The following IQGAP3 variants were observed in gnomAD, a reference collection of about 807,000 sequenced individuals.
IQGAP3 encodes IQ motif containing GTPase activating protein 3.
In IQGAP3, 165 loss-of-function variants were observed where a neutral mutation model predicts 208.2. The ratio of observed to expected loss-of-function variants is 0.79; its 90% CI spans 0.70 to 0.90. The LOEUF is 0.90. Among genes scored for constraint, IQGAP3 ranks in the 40% least tolerant of loss-of-function variants. The pLI is 0.00. For synonymous variants in IQGAP3, 703 were observed against 803.6 expected (o/e 0.87, Z 2.12); for missense variants, 1,811 against 2,043.1 (o/e 0.89, Z 2.19).
rs934580097 is a variant in IQGAP3 at position 156,572,545 on chromosome 1, A to G, written c.-16T>C. 6.2e-6 allele frequency: 10 copies of G among 1,612,706 alleles called. No homozygotes were observed. In the South Asian group the frequency reaches 1.1e-4, roughly 18 times the overall value. Reference sequence around the variant, plus strand: ...TCCTCTCCATGTTCCTCCTTCTTCCAGGTTTGAATCTCCCGCCGTTGGGCC... The same window carrying G: ...TCCTCTCCATGTTCCTCCTTCTTCCGGGTTTGAATCTCCCGCCGTTGGGCC... On this transcript the variant is annotated 5_prime_UTR_variant, in exon 1 of 38. Transcript: ENST00000361170.
intron 27 of IQGAP3, 58 bp from the exon 28 acceptor site, chr1:156,535,305 A>G: frequency 8.0e-7 from 1 of 1,244,820 alleles, no homozygotes; most frequent in Non-Finnish European, 1.2e-6. Flanking sequence ...TCTCTGCCAG[A>G]GATAAGAGCT....
chr1:156,534,651 G>A lies in IQGAP3; in HGVS notation c.3590C>T (p.Ala1197Val). 1 of 1,611,944 alleles carries A rather than the reference G, an allele frequency of 6.2e-7. No individual in the cohort carries two copies. Among genetic ancestry groups the A allele is most frequent in the Non-Finnish European group, 8.5e-7 (1 of 1,179,620 alleles). ...CTGGGGGGCAGCCAGGGCTCCACCA[G>A]CTGCCATGGCCACAATGTCGAAGGC... The part of the protein sequence containing the change: ...PDAFDIVAMA[A>V]GGALAAPQRH... The change falls in exon 29 of 38, where the codon GCT becomes GTT. Residue 1197 changes from alanine to valine, a missense_variant. Transcript: ENST00000361170.
At chr1:156,536,926 T>G in intron 27 of IQGAP3, 1 of 342,108 alleles carries the variant, frequency 2.9e-6, no homozygotes, top group East Asian at 4.8e-5. Context: ...CCTGAGATCA[T>G]TTTAGGGTCC....
At chr1:156,559,430 C>T (rs550050482) in intron 11 of IQGAP3, among the ~76,000 whole-genome samples, 16 of 152,186 alleles carry the variant, frequency 1.1e-4, no homozygotes, top group African/African-American at 2.2e-4. Flanking sequence ...TTAGCAGATA[C>T]GGGCACTGAC....
chr1:156,530,100 G>A lies in IQGAP3; in HGVS notation c.4404+5C>T, dbSNP rs370750568. On this transcript the variant is annotated splice_donor_5th_base_variant and intron_variant, in intron 34 of 37. Transcript: ENST00000361170. The stretch of plus-strand genomic sequence containing the variant: ...GGCACACGGAGCCCAGGCCCAGGTT[G>A]TTACCTTGGCCAGCTCGTCCACTAG... 6 of 1,589,090 alleles carry A rather than the reference G, an allele frequency of 3.8e-6. No individual in the cohort carries two copies. Among genetic ancestry groups the A allele is most frequent in the Non-Finnish European group, 5.1e-6 (6 of 1,166,354 alleles).
chr1:156,563,636 A>G lies in IQGAP3; in HGVS notation c.536T>C (p.Leu179Pro). 6.2e-7 allele frequency: 1 copy of G among 1,613,162 alleles called. No individual in the cohort carries two copies. The highest frequency in any genetic ancestry group is 8.5e-7 in the Non-Finnish European group (1 of 1,179,726). The change falls in exon 7 of 38, where the codon CTG becomes CCG. Residue 179 changes from leucine to proline, a missense_variant. Leu to Pro is a moderately conservative substitution (Grantham distance 98). Coordinates refer to ENST00000361170, the MANE Select transcript of IQGAP3 (RefSeq NM_178229.5). ...AEELSNMASELAKYGLQLPAF... is the reference protein window; with the variant it reads ...AEELSNMASEPAKYGLQLPAF... The stretch of plus-strand genomic sequence containing the variant: ...AGGCAGCTGGAGGCCATATTTGGCC[A>G]GTTCGGACGCCATGTTGCTGAGTTC...
chr1:156,561,097 G>A, intron 10 of IQGAP3, 76 bp from the exon 11 acceptor site: 1 of 1,035,258 alleles, frequency 9.7e-7, no homozygotes, highest in South Asian at 1.3e-5. Context: ...GCCAGCATGA[G>A]CTCCCAGGTC....
chr1:156,540,836 C>G lies in IQGAP3; in HGVS notation c.2611G>C (p.Glu871Gln). The change falls in exon 23 of 38, where the codon GAG (glutamate) becomes CAG (glutamine). Residue 871 changes from glutamate (E) to glutamine (Q), a missense_variant. Glu to Gln is a conservative substitution (Grantham distance 29). Coordinates refer to ENST00000361170, the MANE Select transcript of IQGAP3 (RefSeq NM_178229.5). ...LNQSQQDFLA[E>Q]AELLKLQEEV... ...TCCTGGAGCTTCAGCAGCTCTGCCT[C>G]AGCCAAGAAGTCTTGCTGGCTTTGA... The G allele has an allele frequency of 1.2e-6, 2 of 1,614,120 alleles. No homozygotes were observed. The highest frequency in any genetic ancestry group is 1.7e-6 in the Non-Finnish European group (2 of 1,180,008).
intron 15 of IQGAP3, 138 bp from the exon 16 acceptor site, chr1:156,550,489 C>T: frequency 1.5e-6 from 1 of 662,464 alleles, no homozygotes; most frequent in Non-Finnish European, 2.7e-6. Flanking sequence ...CAGCTCTCTG[C>T]CCTGTGTGTG....
intron 5 of IQGAP3, 76 bp from the exon 6 acceptor site, chr1:156,563,900 G>C: frequency 4.2e-6 from 5 of 1,178,814 alleles, no homozygotes; most frequent in Non-Finnish European, 6.2e-6. Context: ...GGGTTTGAAG[G>C]GGATACTATG....
intron 11 of IQGAP3, among the ~76,000 whole-genome samples, chr1:156,557,592 G>T (rs1571352032): frequency 1.3e-5 from 1 of 78,182 alleles, no homozygotes; most frequent in African/African-American, 4.0e-5. Flanking sequence ...CCGGCCAGCC[G>T]CCCCATCCGG....
At chr1:156,532,425 G>A (rs1674455511) in intron 32 of IQGAP3, among the ~76,000 whole-genome samples, 1 of 149,744 alleles carries the variant, frequency 6.7e-6, no homozygotes, top group African/African-American at 2.5e-5. Context: ...TAGAACATGA[G>A]CTCTACAACC....
rs374153720 is a variant in IQGAP3, at chr1:156,556,514, C to T, written c.1290+19G>A. On this transcript the variant is annotated intron_variant, in intron 12 of 37. Transcript: ENST00000361170. Reference sequence around the variant, plus strand: ...CTGCATGGAGACTGCAGAGCTAGACCCACATTTCTGGGGCTTACCCCCTGC... The same window carrying T: ...CTGCATGGAGACTGCAGAGCTAGACTCACATTTCTGGGGCTTACCCCCTGC... The T allele has an allele frequency of 6.2e-7, 1 of 1,613,598 alleles. No homozygotes were observed. Among genetic ancestry groups the T allele is most frequent in the African/African-American group, 1.3e-5 (1 of 74,928 alleles).
rs753851719 is a variant in IQGAP3 at position 156,550,356 on chromosome 1, C to A, written c.1735-5G>T. ...AGCTCCAGGATCCCCTGTCACCTGG[C>A]AGATTGAGGGAGAAAAAAAAGATGT... On this transcript the variant is annotated splice_region_variant and splice_polypyrimidine_tract_variant and intron_variant, in intron 15 of 37. Transcript: ENST00000361170. 1.2e-6 allele frequency: 2 copies of A among 1,611,616 alleles called. No homozygotes were observed. The highest frequency in any genetic ancestry group is 1.1e-5 in the South Asian group (1 of 90,970).
At chr1:156,571,866 C>T (rs528032927) in intron 1 of IQGAP3, among the ~76,000 whole-genome samples, 1 of 152,168 alleles carries the variant, frequency 6.6e-6, no homozygotes, top group Non-Finnish European at 1.5e-5. Context: ...CCTTCCAGCT[C>T]CAGTCTCTCT....
Position 156,534,578 on chromosome 1 carries a change from A to G in IQGAP3, c.3663T>C (p.Ala1221=), listed in dbSNP as rs61740414. The G allele has an allele frequency of 3.8e-4, 605 of 1,612,268 alleles. 2 individuals carry two copies. In the African/African-American group the frequency reaches 7.4e-3, roughly 20 times the overall value. The change falls in exon 29 of 38, where the codon GCT becomes GCC. Residue 1221 remains alanine, a synonymous_variant. Coordinates refer to ENST00000361170, the MANE Select transcript of IQGAP3 (RefSeq NM_178229.5). ...AVAQLLQHAA[A]GKAFSGQSQH... is the part of the protein sequence containing the mutation. ...GGCTCTGCCCAGAGAAGGCCTTGCCAGCCGCAGCGTGCTGTAGGAGCTGAG... is the reference window on the plus strand; with the variant it reads ...GGCTCTGCCCAGAGAAGGCCTTGCCGGCCGCAGCGTGCTGTAGGAGCTGAG...
chr1:156,534,162 T>A (rs1256208787), intron 29 of IQGAP3, 21 bp from the exon 30 acceptor site: 7 of 1,611,954 alleles, frequency 4.3e-6, no homozygotes, highest in Admixed American at 1.7e-5. Flanking sequence ...GGCGGGCATG[T>A]GAGAGAGCGG....
At chr1:156,571,188 C>G (rs546315515) in intron 1 of IQGAP3, among the ~76,000 whole-genome samples, 24 of 152,318 alleles carry the variant, frequency 1.6e-4, no homozygotes, top group African/African-American at 5.8e-4. Context: ...TAGTTACAGT[C>G]TCCCTTAATC....
At position 156,537,234 on chromosome 1, in the gene IQGAP3, G is replaced by A. The variant is rs1342346496; in HGVS notation, c.3369C>T (p.Leu1123=). 27 of 1,613,996 alleles carry A rather than the reference G, an allele frequency of 1.7e-5. No individual in the cohort carries two copies. Among genetic ancestry groups the A allele is most frequent in the Non-Finnish European group, 2.1e-5 (25 of 1,180,016 alleles). ...RRLDIALRNL[L]AMTDKFLLAI... ...CTAAAAGGAACTTATCAGTCATGGC[G>A]AGGAGGTTGCGTAGGGCGATGTCCA... The change falls in exon 27 of 38, where the codon CTC becomes CTT. Residue 1123 remains leucine (L), a synonymous_variant. Coordinates refer to ENST00000361170, the MANE Select transcript of IQGAP3 (RefSeq NM_178229.5).
Sources: gnomAD v4.1 joint callset for allele counts (sites outside exome capture counted in the v4.1 genomes callset) on GRCh38, gnomAD v4.1.1 for gene constraint, MANE v1.5 for transcripts, NCBI Gene and HGNC (gene_info 2026-07-23, HGNC 2026-07-21) for gene names.